Variants in LAMB1 observed in about 807,000 individuals in gnomAD.
The protein encoded by LAMB1 is laminin subunit beta-1.
LAMB1 carries 121 observed loss-of-function variants against 222.3 expected under a neutral mutation model. That is an observed-to-expected ratio of 0.54 (90% CI 0.47 to 0.63). The LOEUF (loss-of-function observed/expected upper bound fraction) is 0.63, where lower values mean the gene tolerates loss of function less well. LAMB1 is among the 30% of genes least tolerant of loss of function. LAMB1 has a pLI of 0.00. For synonymous variants in LAMB1, 794 were observed against 807.2 expected (o/e 0.98, Z 0.28); for missense variants, 2,172 against 2,240.8 (o/e 0.97, Z 0.62).
At chr7:107,964,407 C>A (rs143660561) in intron 14 of LAMB1, 145 bp downstream of exon 14, 31 of 945,412 alleles carry the variant, frequency 3.3e-5, no homozygotes, top group Non-Finnish European at 4.9e-5. Context: ...TGACTCTTCT[C>A]AGGAAGGCAT....
intron 13 of LAMB1, among the ~76,000 whole-genome samples, chr7:107,967,778 T>C (rs898372162): frequency 2.6e-5 from 4 of 152,152 alleles, no homozygotes; most frequent in Non-Finnish European, 4.4e-5. Context: ...AAATAGTCCC[T>C]GTCTTCAAGA....
At chr7:107,983,920 G>A (rs867446305) in intron 7 of LAMB1, among the ~76,000 whole-genome samples, 11 of 152,114 alleles carry the variant, frequency 7.2e-5, no homozygotes, top group Non-Finnish European at 1.2e-4. Flanking sequence ...ACTGAGCACC[G>A]TAACATATGG....
rs1184419212 is a variant in LAMB1, at chr7:107,951,306, T to C, written c.3311A>G (p.Gln1104Arg). 9 of 1,614,172 alleles carry C rather than the reference T, an allele frequency of 5.6e-6. No individual in the cohort carries two copies. The highest frequency in any genetic ancestry group is 5.1e-6 in the Non-Finnish European group (6 of 1,180,018). Reference protein sequence around the residue: ...PSCNEFTGQCQCMPGFGGRTC... With the variant: ...PSCNEFTGQCRCMPGFGGRTC... ...GCGGCCTCCAAACCCAGGCATGCAC[T>C]GGCACTGCCCCGTGAACTGCGGCCA... Residue 1104 changes from glutamine to arginine, a missense_variant, in exon 24 of 34, where the codon CAG becomes CGG. Gln to Arg is a conservative substitution (Grantham distance 43). Transcript: ENST00000222399.
At chr7:107,984,311 C>T (rs1173835674) in intron 7 of LAMB1, among the ~76,000 whole-genome samples, 1 of 152,110 alleles carries the variant, frequency 6.6e-6, no homozygotes, top group Non-Finnish European at 1.5e-5. Context: ...TGCAGTGGCA[C>T]GATCTTGGCT....
At position 107,996,718 on chromosome 7, in the gene LAMB1, G is replaced by A. The variant is rs78305294; in HGVS notation, c.349+1639C>T. Among the ~76,000 whole-genome samples the A allele has an allele frequency of 4.3e-3, 655 of 152,286 alleles. 12 individuals carry two copies. The highest frequency in any genetic ancestry group is 0.015 in the African/African-American group (629 of 41,558). ...GTCCCAGAGATTCAAAGTTGTAGAA[G>A]TTGATTAACTCGACATAACTAAGAA... On this transcript the variant is annotated intron_variant, in intron 4 of 33. Coordinates refer to ENST00000222399, the MANE Select transcript of LAMB1 (RefSeq NM_002291.3).
chr7:107,961,389 TA>T (rs1478950731), intron 16 of LAMB1, 60 bp from the exon 17 acceptor site: 3 of 1,594,342 alleles, frequency 1.9e-6, no homozygotes. Flanking sequence ...ATCCAAAAAA[TA>T]AAAATTAAAA....
chr7:107,952,817 C>G (rs1045259807), intron 22 of LAMB1, among the ~76,000 whole-genome samples: 1 of 152,186 alleles, frequency 6.6e-6, no homozygotes, highest in Non-Finnish European at 1.5e-5. Flanking sequence ...CTACTTCTTT[C>G]TCTTCCTTAA....
Position 107,998,400 on chromosome 7 carries a change from T to C in LAMB1, c.306A>G (p.Thr102=), listed in dbSNP as rs1333234186. The C allele has an allele frequency of 1.2e-6, 2 of 1,613,994 alleles. No individual in the cohort carries two copies. The highest frequency in any genetic ancestry group is 1.7e-6 in the Non-Finnish European group (2 of 1,179,992). The change falls in exon 4 of 34, where the codon ACA becomes ACG. Residue 102 remains threonine (T), a synonymous_variant. Transcript: ENST00000222399. ...DSHLIENVVT[T]FAPNRLKIWW... is the part of the protein sequence containing the mutation. ...AAATCTTAAGGCGGTTTGGAGCAAA[T>C]GTAGTGACCACATTTTCAATGAGAT... is the stretch of plus-strand genomic sequence containing the variant.
intron 20 of LAMB1, among the ~76,000 whole-genome samples, chr7:107,956,331 C>T (rs1355637730): frequency 6.6e-6 from 1 of 152,232 alleles, no homozygotes; most frequent in African/African-American, 2.4e-5. Context: ...CAGTGGTTCT[C>T]AAACTTTAGC....
Position 107,959,355 on chromosome 7 carries a change from G to C in LAMB1, c.2584C>G (p.Pro862Ala). Reference protein sequence around the residue: ...DRCLPGHWGFPSCQPCQCNGH... With the variant: ...DRCLPGHWGFASCQPCQCNGH... ...TTGCACTGGCAGGGCTGGCAACTTG[G>C]AAAGCCCCAGTGCCCAGGTAAGCAC... is the stretch of plus-strand genomic sequence containing the variant. The change falls in exon 20 of 34, where the codon CCA becomes GCA. Residue 862 changes from proline to alanine, a missense_variant. Physicochemically the swap from Pro to Ala is conservative, Grantham distance 27. Coordinates refer to ENST00000222399, the MANE Select transcript of LAMB1 (RefSeq NM_002291.3). 1 of 1,614,242 alleles carries C rather than the reference G, an allele frequency of 6.2e-7. No individual in the cohort carries two copies. The highest frequency in any genetic ancestry group is 1.3e-5 in the African/African-American group (1 of 75,064).
chr7:107,995,295 C>G (rs1300616391), intron 4 of LAMB1, among the ~76,000 whole-genome samples: 1 of 152,206 alleles, frequency 6.6e-6, no homozygotes. Context: ...TCCCAACCCT[C>G]TAAGCCAAGC....
chr7:107,991,021 C>G (rs2034171352), intron 5 of LAMB1, among the ~76,000 whole-genome samples: 1 of 152,166 alleles, frequency 6.6e-6, no homozygotes, highest in African/African-American at 2.4e-5. Flanking sequence ...TCTTGGGCTA[C>G]CTTCCTGAAA....
chr7:107,925,179 G>T (rs1040765391), intron 32 of LAMB1, among the ~76,000 whole-genome samples: 1 of 152,098 alleles, frequency 6.6e-6, no homozygotes, highest in African/African-American at 2.4e-5. Flanking sequence ...CGTAATGCCC[G>T]AAAAGCTACA....
chr7:107,926,346 G>C lies in LAMB1; in HGVS notation c.4901C>G (p.Thr1634Arg), dbSNP rs1161738066. 3.1e-6 allele frequency: 5 copies of C among 1,613,406 alleles called. No individual in the cohort carries two copies. Among genetic ancestry groups the C allele is most frequent in the Non-Finnish European group, 4.2e-6 (5 of 1,179,622 alleles). Reference sequence around the variant, plus strand: ...GAACAAGGTTTCCTCAGAAGCTGCTGTTTCAGACTCAATCTAAAAGCATGT... The same window carrying C: ...GAACAAGGTTTCCTCAGAAGCTGCTCTTTCAGACTCAATCTAAAAGCATGT... The part of the protein sequence containing the change: ...QNLLTSIESE[T>R]AASEETLFNA... The change falls in exon 32 of 34, where the codon ACA becomes AGA. Residue 1634 changes from threonine to arginine, a missense_variant. Thr to Arg is a moderately conservative substitution (Grantham distance 71, BLOSUM62 -1). Coordinates refer to ENST00000222399, the MANE Select transcript of LAMB1 (RefSeq NM_002291.3).
chr7:107,972,763 G>A (rs1038157804), intron 13 of LAMB1, among the ~76,000 whole-genome samples: 2 of 152,162 alleles, frequency 1.3e-5, no homozygotes, highest in Admixed American at 6.5e-5. Flanking sequence ...AGTTCAATAT[G>A]TCTGGAACAA....
At chr7:107,974,380 G>A (rs1056366715) in intron 12 of LAMB1, among the ~76,000 whole-genome samples, 2 of 150,922 alleles carry the variant, frequency 1.3e-5, no homozygotes, top group Non-Finnish European at 2.9e-5. Flanking sequence ...AATATAGCAA[G>A]CAGCATGAGC....
chr7:107,990,983 G>T (rs1015507869), intron 5 of LAMB1, among the ~76,000 whole-genome samples: 1 of 151,998 alleles, frequency 6.6e-6, no homozygotes, highest in Non-Finnish European at 1.5e-5. Context: ...CTTTATTCTC[G>T]CCATCCCAGT....
intron 26 of LAMB1, 24 bp from the exon 27 acceptor site, chr7:107,935,680 C>T (rs774081335): frequency 1.2e-6 from 2 of 1,609,618 alleles, no homozygotes; most frequent in Non-Finnish European, 8.5e-7. Flanking sequence ...TGAAATTGCC[C>T]ACAGTTAACC....
intron 21 of LAMB1, 81 bp downstream of exon 21, chr7:107,955,386 A>G: frequency 7.9e-7 from 1 of 1,272,236 alleles, no homozygotes; most frequent in Non-Finnish European, 1.1e-6. Context: ...TTCACTTTGC[A>G]TCTTTTTTTC....
Sources: allele counts gnomAD v4.1 joint callset (sites outside exome capture counted in the v4.1 genomes callset), GRCh38; gene constraint gnomAD v4.1.1; transcripts MANE v1.5; gene names NCBI Gene and HGNC (gene_info 2026-07-23, HGNC 2026-07-21).